SLC13A3: variants seen among roughly 807,000 people sequenced by gnomAD.
SLC13A3 encodes the protein solute carrier family 13 member 3, also known as Na(+)/dicarboxylate cotransporter 3.
In SLC13A3, 40 loss-of-function variants were observed where a neutral mutation model predicts 59.0. That is an observed-to-expected ratio of 0.68 (90% CI 0.53 to 0.88). SLC13A3 has a LOEUF of 0.88. SLC13A3 is among the 40% of genes least tolerant of loss of function. SLC13A3 has a pLI of 0.00. For missense variants in SLC13A3, 699 were observed against 783.2 expected (o/e 0.89, Z 1.28); for synonymous variants, 317 against 330.3 (o/e 0.96, Z 0.44).
chr20:46,660,206 G>A lies in SLC13A3; in HGVS notation c.-31+9837C>T, dbSNP rs540752912. Among the ~76,000 whole-genome samples the A allele has an allele frequency of 3.3e-5, 5 of 152,234 alleles. No homozygotes were observed. In the South Asian group the frequency reaches 6.2e-4, roughly 19 times the overall value. ...TTACCCTATCTCTTCACTTCTTCCTGCAGATCCAGGATCATTTCTCTTTCA... is the reference window on the plus strand; with the variant it reads ...TTACCCTATCTCTTCACTTCTTCCTACAGATCCAGGATCATTTCTCTTTCA... On this transcript the variant is annotated intron_variant, in intron 1 of 12. Transcript: ENST00000290317.
chr20:46,645,196 T>A, intron 1 of SLC13A3, among the ~76,000 whole-genome samples: 1 of 152,092 alleles, frequency 6.6e-6, no homozygotes, highest in East Asian at 1.9e-4. Flanking sequence ...GATTTCAACT[T>A]CTCCTGCCTG....
chr20:46,681,110 G>A (rs2063151665), intron 1 of SLC13A3, among the ~76,000 whole-genome samples: 1 of 152,262 alleles, frequency 6.6e-6, no homozygotes, highest in South Asian at 2.1e-4. Context: ...GGCCTCCCAG[G>A]CCGCGGCTGG....
At chr20:46,589,874 T>C (rs2062236407) in intron 6 of SLC13A3, among the ~76,000 whole-genome samples, 1 of 152,192 alleles carries the variant, frequency 6.6e-6, no homozygotes, top group Admixed American at 6.5e-5. Context: ...ACCTAAATGT[T>C]AGAGCTAAAG....
At chr20:46,615,853 C>A (rs556418047) in intron 1 of SLC13A3, among the ~76,000 whole-genome samples, 14 of 152,160 alleles carry the variant, frequency 9.2e-5, no homozygotes, top group Non-Finnish European at 1.8e-4. Context: ...GGGAGAATTT[C>A]TGTACAGCAC....
chr20:46,628,486 A>C lies in SLC13A3; in HGVS notation c.112-14761T>G, dbSNP rs140538625. Among the ~76,000 whole-genome samples the C allele has an allele frequency of 2.8e-3, 431 of 152,330 alleles. 4 individuals are homozygous for C. The highest frequency in any genetic ancestry group is 0.01 in the Middle Eastern group (3 of 294). ...GACGGCAAGGCCTAACGGAGTCTGCATCTGGAGAAGACAGGTGCCACAGGG... is the reference window on the plus strand; with the variant it reads ...GACGGCAAGGCCTAACGGAGTCTGCCTCTGGAGAAGACAGGTGCCACAGGG... On this transcript the variant is annotated intron_variant, in intron 1 of 12. Coordinates refer to ENST00000279027, the MANE Select transcript of SLC13A3 (RefSeq NM_022829.6).
intron 1 of SLC13A3, among the ~76,000 whole-genome samples, chr20:46,661,314 T>C (rs571017891): frequency 1.3e-5 from 2 of 152,348 alleles, no homozygotes; most frequent in Non-Finnish European, 2.9e-5. Flanking sequence ...ACCTGCAGTA[T>C]GGAGTTAATC....
chr20:46,586,455 C>T (rs947738359), intron 8 of SLC13A3, among the ~76,000 whole-genome samples: 1 of 152,198 alleles, frequency 6.6e-6, no homozygotes, highest in African/African-American at 2.4e-5. Context: ...AAACACTTTC[C>T]ATAGCTGAGC....
At chr20:46,631,202 T>C (rs1407553760) in intron 1 of SLC13A3, among the ~76,000 whole-genome samples, 1 of 152,130 alleles carries the variant, frequency 6.6e-6, no homozygotes, top group Non-Finnish European at 1.5e-5. Flanking sequence ...GCTCCTGGCA[T>C]CTAGTGAGTA....
intron 10 of SLC13A3, among the ~76,000 whole-genome samples, chr20:46,568,834 G>C (rs2062004912): frequency 6.6e-6 from 1 of 152,230 alleles, no homozygotes; most frequent in Admixed American, 6.5e-5. Flanking sequence ...TGAGTGACCG[G>C]GCTTCCAGCC....
At chr20:46,669,740 C>T (rs1223904067) in intron 1 of SLC13A3, among the ~76,000 whole-genome samples, 4 of 152,120 alleles carry the variant, frequency 2.6e-5, no homozygotes, top group African/African-American at 9.7e-5. Flanking sequence ...AGGGGCAATG[C>T]CTACAATTTA....
chr20:46,666,835 C>CT (rs1383607997), intron 1 of SLC13A3, among the ~76,000 whole-genome samples: 1 of 152,018 alleles, frequency 6.6e-6, no homozygotes, highest in Non-Finnish European at 1.5e-5. Context: ...AAGCCTATGA[C>CT]TTTTTTAGAA....
chr20:46,582,872 G>A, intron 9 of SLC13A3: 1 of 985,426 alleles, frequency 1.0e-6, no homozygotes, highest in Non-Finnish European at 1.2e-6. Context: ...GGACACCGGA[G>A]GGAGTCGCAA....
rs148555282 is a variant in SLC13A3, at chr20:46,643,482, G to C, written c.111+7829C>G. Among the ~76,000 whole-genome samples the C allele has an allele frequency of 8.3e-3, 1,264 of 152,294 alleles. 11 individuals are homozygous for C. The highest frequency in any genetic ancestry group is 0.013 in the Non-Finnish European group (901 of 68,032). On this transcript the variant is annotated intron_variant, in intron 1 of 12. Transcript: ENST00000279027. ...TGCAAGTGCAAAGGTCCTGGGATGA[G>C]AGCAAGCTTGGGATATTTAAGGAGC...
chr20:46,620,601 A>G (rs1042944989), intron 1 of SLC13A3, among the ~76,000 whole-genome samples: 1 of 152,214 alleles, frequency 6.6e-6, no homozygotes, highest in African/African-American at 2.4e-5. Flanking sequence ...CAAATGGATA[A>G]TTTGTTTTAG....
At chr20:46,579,513 G>C (rs191113528) in intron 9 of SLC13A3, among the ~76,000 whole-genome samples, 210 of 152,262 alleles carry the variant, frequency 1.4e-3, no homozygotes, top group Non-Finnish European at 1.9e-3. Context: ...CTCCACAAAA[G>C]TCTTTAGTGT....
At chr20:46,568,259 G>A (rs1242516860) in intron 10 of SLC13A3, among the ~76,000 whole-genome samples, 8 of 151,578 alleles carry the variant, frequency 5.3e-5, no homozygotes, top group African/African-American at 1.2e-4. Flanking sequence ...TTAGCCAGGC[G>A]TGGTGGTGCA....
chr20:46,606,647 C>T (rs936748319), intron 3 of SLC13A3, among the ~76,000 whole-genome samples: 5 of 152,164 alleles, frequency 3.3e-5, no homozygotes, highest in Admixed American at 2.0e-4. Flanking sequence ...GAGGCTGCAG[C>T]GAGCTGAATG....
chr20:46,661,602 C>A (rs1467139797), intron 1 of SLC13A3, among the ~76,000 whole-genome samples: 2 of 152,114 alleles, frequency 1.3e-5, no homozygotes, highest in South Asian at 2.1e-4. Flanking sequence ...TTGGTGAGTT[C>A]TCTTTGTTCT....
intron 1 of SLC13A3, among the ~76,000 whole-genome samples, chr20:46,617,838 A>G (rs2062576071): frequency 6.6e-6 from 1 of 152,156 alleles, no homozygotes; most frequent in Non-Finnish European, 1.5e-5. Flanking sequence ...CTGCTCCACA[A>G]TGAATTCGTG....
Sources: gnomAD v4.1 joint callset for allele counts (sites outside exome capture counted in the v4.1 genomes callset) on GRCh38, gnomAD v4.1.1 for gene constraint, MANE v1.5 for transcripts, NCBI Gene and HGNC (gene_info 2026-07-23, HGNC 2026-07-21) for gene names.